Variants in KCNE2 observed in about 807,000 individuals in gnomAD.
The protein encoded by KCNE2 is potassium voltage-gated channel subfamily E regulatory subunit 2, also known as potassium voltage-gated channel subfamily E member 2.
KCNE2 carries 4 observed loss-of-function variants against 4.5 expected under a neutral mutation model. That is an observed-to-expected ratio of 0.89 (90% CI 0.44 to 2.03). KCNE2 has a LOEUF of 2.03. Among genes scored for constraint, KCNE2 ranks in the 30% most tolerant of loss-of-function variants. The pLI is 0.03. For synonymous variants in KCNE2, 57 were observed against 55.9 expected (o/e 1.02, Z -0.09); for missense variants, 137 against 151.4 (o/e 0.90, Z 0.50).
Position 34,370,536 on chromosome 21 carries a change from A to C in KCNE2, c.58A>C (p.Ile20Leu). 1 of 1,614,190 alleles carries C rather than the reference A, an allele frequency of 6.2e-7. No homozygotes were observed. The highest frequency in any genetic ancestry group is 8.5e-7 in the Non-Finnish European group (1 of 1,180,030). The change falls in exon 2 of 2, where the codon ATT becomes CTT. Residue 20 changes from isoleucine to leucine, a missense_variant. Physicochemically the swap from Ile to Leu is conservative, Grantham distance 5. Coordinates refer to ENST00000290310, the MANE Select transcript of KCNE2 (RefSeq NM_172201.2). The part of the protein sequence containing the change: ...TLEDVFRRIF[I>L]TYMDNWRQNT... ...GGAAGACGTCTTCCGAAGGATTTTTATTACTTATATGGACAATTGGCGCCA... is the reference window on the plus strand; with the variant it reads ...GGAAGACGTCTTCCGAAGGATTTTTCTTACTTATATGGACAATTGGCGCCA...
rs534677357 is a variant in KCNE2 at position 34,368,197 on chromosome 21, TCACA to T, written c.-12-2241_-12-2238del. ...AAAAGATGAGCCCCTAAACCAATAATCACACACACACACACACACACACACACAC... is the reference window on the plus strand; with the variant it reads ...AAAAGATGAGCCCCTAAACCAATAATCACACACACACACACACACACACAC... On this transcript the variant is annotated intron_variant, in intron 1 of 1. Transcript: ENST00000290310. 1.4e-3 allele frequency among the ~76,000 whole-genome samples: 126 copies of T among 93,170 alleles called. 1 individual carries two copies. Among genetic ancestry groups the T allele is most frequent in the Admixed American group, 2.7e-3 (21 of 7,868 alleles). 61.1% of individuals were successfully genotyped at this position (93,170 alleles called of 152,430 possible). A position where few individuals can be genotyped will look rare whatever the true frequency, so the allele number is the denominator to read the frequency against.
chr21:34,368,419 C>T (rs960614306), intron 1 of KCNE2, among the ~76,000 whole-genome samples: 5 of 151,312 alleles, frequency 3.3e-5, no homozygotes, highest in South Asian at 2.1e-4. Flanking sequence ...GCTAACATGG[C>T]GAAACCCCGT....
At chr21:34,366,028 A>C (rs944831604) in intron 1 of KCNE2, among the ~76,000 whole-genome samples, 10 of 152,322 alleles carry the variant, frequency 6.6e-5, no homozygotes, top group African/African-American at 2.2e-4. Context: ...AGTCTTATCA[A>C]AAAGCACCTC....
intron 1 of KCNE2, among the ~76,000 whole-genome samples, chr21:34,364,843 G>A (rs1242447675): frequency 6.6e-6 from 1 of 151,958 alleles, no homozygotes; most frequent in African/African-American, 2.4e-5. Context: ...TCCTAATAGT[G>A]TCCTGATTGC....
At chr21:34,368,225 ACAC>A (rs1436795640) in intron 1 of KCNE2, among the ~76,000 whole-genome samples, 8 of 68,502 alleles carry the variant, frequency 1.2e-4, no homozygotes, top group Admixed American at 4.0e-4. Context: ...ACACACACAC[ACAC>A]AATATATATA....
intron 1 of KCNE2, among the ~76,000 whole-genome samples, chr21:34,367,482 T>C (rs1165646541): frequency 2.0e-5 from 3 of 152,194 alleles, no homozygotes; most frequent in Non-Finnish European, 4.4e-5. Context: ...GGCAATCTTA[T>C]CTATTTGTTA....
At chr21:34,365,966 G>T (rs1356082872) in intron 1 of KCNE2, among the ~76,000 whole-genome samples, 8 of 152,180 alleles carry the variant, frequency 5.3e-5, no homozygotes, top group Non-Finnish European at 7.3e-5. Context: ...GCCTGGCCAC[G>T]GGTGAGCACT....
chr21:34,366,736 T>C (rs1386884090), intron 1 of KCNE2, among the ~76,000 whole-genome samples: 1 of 151,652 alleles, frequency 6.6e-6, no homozygotes, highest in Non-Finnish European at 1.5e-5. Context: ...TCCCAGCACT[T>C]TGGGAGGCCA....
rs374941584 is a variant in KCNE2, at chr21:34,366,896, G to A, written c.-13+2745G>A. Among the ~76,000 whole-genome samples the A allele has an allele frequency of 1.0e-3, 134 of 128,900 alleles. No individual in the cohort carries two copies. In the East Asian group the frequency reaches 0.016, roughly 16 times the overall value. The allele number at this position is 128,900 out of a possible 152,430, so 84.6% of individuals were successfully genotyped here. On this transcript the variant is annotated intron_variant, in intron 1 of 1. Transcript: ENST00000290310. ...CAGGAGGCTGAGGCAGGAGAATGGC[G>A]TAAACCCGGGAGGCAGAGCTTGCAG...
chr21:34,366,702 G>T (rs115318734), intron 1 of KCNE2, among the ~76,000 whole-genome samples: 2 of 151,900 alleles, frequency 1.3e-5, no homozygotes, highest in Admixed American at 6.6e-5. Flanking sequence ...AAACAAGGCC[G>T]GGCACGGTGG....
In KCNE2 at chr21:34,370,423, C is replaced by T. The variant is rs9305548; in HGVS notation, c.-12-44C>T. 281,757 of 1,612,532 alleles carry T rather than the reference C, an allele frequency of 0.17. 29,734 individuals are homozygous for T. The highest frequency in any genetic ancestry group is 0.47 in the African/African-American group (34,919 of 74,900). The stretch of plus-strand genomic sequence containing the variant: ...TACATAGCCAAATCCAGAAAAGATC[C>T]GTTTTCCTAACCTTGTTCGCCTATT... On this transcript the variant is annotated intron_variant, in intron 1 of 1. Coordinates refer to ENST00000290310, the MANE Select transcript of KCNE2 (RefSeq NM_172201.2).
chr21:34,370,908 C>T lies in KCNE2; in HGVS notation c.*58C>T, dbSNP rs1979565052. 4.4e-6 allele frequency: 7 copies of T among 1,607,296 alleles called. No individual in the cohort carries two copies. The highest frequency in any genetic ancestry group is 5.1e-6 in the Non-Finnish European group (6 of 1,175,866). On this transcript the variant is annotated 3_prime_UTR_variant, in exon 2 of 2. Transcript: ENST00000290310. ...GTCCAGACATGAAGAGATGCCAGTG[C>T]CACGAGGCAAATCCAAATTGTCTTT...
intron 1 of KCNE2, among the ~76,000 whole-genome samples, chr21:34,369,752 G>C (rs925984042): frequency 1.3e-5 from 2 of 152,190 alleles, no homozygotes; most frequent in African/African-American, 4.8e-5. Flanking sequence ...CTCTCAGATT[G>C]TTTCTTGGCA....
Position 34,370,638 on chromosome 21 carries a change from A to G in KCNE2, c.160A>G (p.Met54Val), listed in dbSNP as rs371724328. 1.7e-5 allele frequency: 28 copies of G among 1,614,084 alleles called. No homozygotes were observed. The highest frequency in any genetic ancestry group is 2.4e-5 in the Non-Finnish European group (28 of 1,180,036). Residue 54 changes from methionine to valine, a missense_variant, in exon 2 of 2, where the codon ATG becomes GTG. Transcript: ENST00000290310. The part of the protein sequence containing the change: ...ENFYYVILYL[M>V]VMIGMFSFII... ...CTTCTACTATGTCATCCTGTACCTC[A>G]TGGTGATGATTGGAATGTTCTCTTT...
At chr21:34,368,460 C>T (rs912809800) in intron 1 of KCNE2, among the ~76,000 whole-genome samples, 3 of 151,592 alleles carry the variant, frequency 2.0e-5, no homozygotes, top group Non-Finnish European at 4.4e-5. Flanking sequence ...ATTAGCCAGG[C>T]GTAGTGGCGG....
chr21:34,368,229 A>ACAATATATATAT (rs781775671), intron 1 of KCNE2, among the ~76,000 whole-genome samples: 9 of 84,790 alleles, frequency 1.1e-4, no homozygotes, highest in South Asian at 9.0e-4. Flanking sequence ...ACACACACAC[A>ACAATATATATAT]ATATATATAT....
chr21:34,370,842 T>G lies in KCNE2; in HGVS notation c.364T>G (p.Ser122Ala). 1 of 1,613,842 alleles carries G rather than the reference T, an allele frequency of 6.2e-7. No individual in the cohort carries two copies. Among genetic ancestry groups the G allele is most frequent in the Non-Finnish European group, 8.5e-7 (1 of 1,180,014 alleles). The change falls in exon 2 of 2, where the codon TCC becomes GCC. Residue 122 changes from serine to alanine, a missense_variant. Transcript: ENST00000290310. ...ENIGAAGFKM[S>A]P The stretch of plus-strand genomic sequence containing the variant: ...CATTGGTGCGGCTGGGTTCAAAATG[T>G]CCCCCTGATAAGGGAGAAAGGCACC...
At chr21:34,369,931 TA>T (rs2123423009) in intron 1 of KCNE2, among the ~76,000 whole-genome samples, 2 of 152,322 alleles carry the variant, frequency 1.3e-5, no homozygotes, top group African/African-American at 4.8e-5. Flanking sequence ...CACAATTCTC[TA>T]AAAACAGAGA....
chr21:34,369,544 C>T lies in KCNE2; in HGVS notation c.-12-923C>T, dbSNP rs114167237. ...CAGCCTGGACGACAGAGCAAGATTCCGTCTTAAGAAAAAAAAAAGGGCACA... is the reference window on the plus strand; with the variant it reads ...CAGCCTGGACGACAGAGCAAGATTCTGTCTTAAGAAAAAAAAAAGGGCACA... On this transcript the variant is annotated intron_variant, in intron 1 of 1. Coordinates refer to ENST00000290310, the MANE Select transcript of KCNE2 (RefSeq NM_172201.2). 2.5e-3 allele frequency among the ~76,000 whole-genome samples: 371 copies of T among 151,418 alleles called. 3 individuals are homozygous for T. The highest frequency in any genetic ancestry group is 8.3e-3 in the African/African-American group (343 of 41,234).
Sources: allele counts gnomAD v4.1 joint callset (sites outside exome capture counted in the v4.1 genomes callset), GRCh38; gene constraint gnomAD v4.1.1; transcripts MANE v1.5; gene names NCBI Gene and HGNC (gene_info 2026-07-23, HGNC 2026-07-21).